Variants in USP46 observed in about 807,000 individuals in gnomAD.
USP46 encodes ubiquitin carboxyl-terminal hydrolase 46.
Under a neutral mutation model 44.4 loss-of-function variants are expected in USP46, and 12 were observed. The ratio of observed to expected loss-of-function variants is 0.27; its 90% CI spans 0.17 to 0.44. USP46 has a LOEUF of 0.44. Ranked by LOEUF, USP46 falls within the 20% of genes least tolerant of loss-of-function variation. USP46 has a pLI of 1.00. For synonymous variants in USP46, 155 were observed against 161.5 expected (o/e 0.96, Z 0.31); for missense variants, 248 against 444.8 (o/e 0.56, Z 3.98).
chr4:52,657,794 G>C (rs747682493), intron 1 of USP46, among the ~76,000 whole-genome samples: 1 of 152,230 alleles, frequency 6.6e-6, no homozygotes, highest in South Asian at 2.1e-4. Flanking sequence ...GGAGGCCCCA[G>C]CATTTGCTTT....
At chr4:52,631,777 G>A (rs978265222) in intron 1 of USP46, among the ~76,000 whole-genome samples, 1 of 152,126 alleles carries the variant, frequency 6.6e-6, no homozygotes, top group Non-Finnish European at 1.5e-5. Flanking sequence ...AGGCCGAGGT[G>A]AGCGGATCAC....
At position 52,622,851 on chromosome 4, in the gene USP46, C is replaced by T. The variant is rs573489092; in HGVS notation, c.561+3167G>A. ...AGTGGCATGTGCAAAGGACCTGAAGCAGGAAGGGATTTGAAAGGCTTGAGA... is the reference window on the plus strand; with the variant it reads ...AGTGGCATGTGCAAAGGACCTGAAGTAGGAAGGGATTTGAAAGGCTTGAGA... On this transcript the variant is annotated intron_variant, in intron 4 of 8. Coordinates refer to ENST00000441222, the MANE Select transcript of USP46 (RefSeq NM_022832.4). Among the ~76,000 whole-genome samples, 3 of 152,172 alleles carry T rather than the reference C, an allele frequency of 2.0e-5. No individual in the cohort carries two copies. The East Asian group carries it at 5.8e-4, about 29-fold the overall frequency.
At position 52,592,899 on chromosome 4, in the gene USP46, T is replaced by C. The variant is rs1312629635; in HGVS notation, c.*4741A>G. ...CCCTTTGCTCTCTTCCTCTTGCTCCTGCCATGTAAGATGGGCTTGCTTTCC... is the reference window on the plus strand; with the variant it reads ...CCCTTTGCTCTCTTCCTCTTGCTCCCGCCATGTAAGATGGGCTTGCTTTCC... On this transcript the variant is annotated 3_prime_UTR_variant, in exon 9 of 9. Coordinates refer to ENST00000441222, the MANE Select transcript of USP46 (RefSeq NM_022832.4). 7.5e-6 allele frequency: 3 copies of C among 398,160 alleles called. No homozygotes were observed. The highest frequency in any genetic ancestry group is 1.3e-5 in the Non-Finnish European group (3 of 226,154). The allele number at this position is 398,160 out of a possible 1,614,324, so 24.7% of individuals were successfully genotyped here.
Position 52,602,033 on chromosome 4 carries a change from G to T in USP46, c.744C>A (p.Pro248=), listed in dbSNP as rs1318620515. 5 of 1,612,952 alleles carry T rather than the reference G, an allele frequency of 3.1e-6. No individual in the cohort carries two copies. In the South Asian group the frequency reaches 5.5e-5, roughly 18 times the overall value. Residue 248 remains proline, a synonymous_variant, in exon 7 of 9, where the codon CCC becomes CCA. Coordinates refer to ENST00000441222, the MANE Select transcript of USP46 (RefSeq NM_022832.4). The part of the protein sequence containing the change: ...AQKRMRVKKL[P]MILALHLKRF... ...GCTTTAGGTGCAGGGCCAAGATCAT[G>T]GGCAGCTTTTTTACCCTCATCCTAA...
intron 1 of USP46, among the ~76,000 whole-genome samples, chr4:52,657,711 G>C (rs377497520): frequency 8.5e-5 from 13 of 152,290 alleles, no homozygotes; most frequent in African/African-American, 3.1e-4. Context: ...AGAGAAAACA[G>C]AAAGGCTCTA....
chr4:52,639,587 G>C (rs1044348374), intron 1 of USP46, among the ~76,000 whole-genome samples: 1 of 152,190 alleles, frequency 6.6e-6, no homozygotes, highest in Non-Finnish European at 1.5e-5. Flanking sequence ...TCACAATCCT[G>C]CTAGCTAGAA....
At chr4:52,657,296 A>T (rs1173317170) in intron 1 of USP46, among the ~76,000 whole-genome samples, 1 of 151,944 alleles carries the variant, frequency 6.6e-6, no homozygotes, top group African/African-American at 2.4e-5. Flanking sequence ...TGTCTCCCTG[A>T]CTGAGTTTCA....
At position 52,597,495 on chromosome 4, in the gene USP46, A is replaced by T; in HGVS notation, c.*145T>A. On this transcript the variant is annotated 3_prime_UTR_variant, in exon 9 of 9. Coordinates refer to ENST00000441222, the MANE Select transcript of USP46 (RefSeq NM_022832.4). Reference sequence around the variant, plus strand: ...GTAGTGCTGCATGTAAAAACACAAAAGGAGAGAGTCTAACACAGCCAGACC... The same window carrying T: ...GTAGTGCTGCATGTAAAAACACAAATGGAGAGAGTCTAACACAGCCAGACC... 3.2e-6 allele frequency: 2 copies of T among 632,220 alleles called. No individual in the cohort carries two copies. The highest frequency in any genetic ancestry group is 5.6e-6 in the Non-Finnish European group (2 of 356,556). 39.2% of individuals were successfully genotyped at this position (632,220 alleles called of 1,614,324 possible).
chr4:52,656,333 G>C, intron 1 of USP46: 2 of 1,547,068 alleles, frequency 1.3e-6, no homozygotes, highest in South Asian at 1.2e-5. Flanking sequence ...AATCTAAAGA[G>C]AGGTCCAGTT....
At chr4:52,634,240 G>A (rs1329570959) in intron 1 of USP46, among the ~76,000 whole-genome samples, 3 of 150,972 alleles carry the variant, frequency 2.0e-5, no homozygotes, top group Non-Finnish European at 4.4e-5. Context: ...CAGGCATGGT[G>A]GCTCACGCCT....
intron 1 of USP46, among the ~76,000 whole-genome samples, chr4:52,639,704 AT>A (rs533775892): frequency 1.4e-4 from 21 of 149,726 alleles, no homozygotes; most frequent in Middle Eastern, 6.9e-3. Context: ...TGAAAAGTGA[AT>A]TTTTTTTTTC....
At chr4:52,647,671 T>G (rs1322314035) in intron 1 of USP46, among the ~76,000 whole-genome samples, 1 of 152,224 alleles carries the variant, frequency 6.6e-6, no homozygotes, top group African/African-American at 2.4e-5. Context: ...TGTCTTCCAA[T>G]GGCATTTTTG....
At chr4:52,658,369 T>C (rs1487988119) in intron 1 of USP46, 2 of 431,006 alleles carry the variant, frequency 4.6e-6, no homozygotes, top group Non-Finnish European at 9.4e-6. Context: ...CCCAGTGATG[T>C]CCCTGGCTGT....
chr4:52,610,865 CAG>C (rs1716910262), intron 4 of USP46, among the ~76,000 whole-genome samples: 1 of 152,084 alleles, frequency 6.6e-6, no homozygotes, highest in South Asian at 2.1e-4. Flanking sequence ...AAAACTCAAC[CAG>C]ATTTCTCTTC....
chr4:52,604,556 T>G lies in USP46; in HGVS notation c.667A>C (p.Ser223Arg), dbSNP rs765156608. 1 of 1,608,446 alleles carries G rather than the reference T, an allele frequency of 6.2e-7. No individual in the cohort carries two copies. The highest frequency in any genetic ancestry group is 8.5e-7 in the Non-Finnish European group (1 of 1,178,226). The change falls in exon 6 of 9, where the codon AGT becomes CGT. Residue 223 changes from serine (S) to arginine (R), a missense_variant. Transcript: ENST00000441222. The part of the protein sequence containing the change: ...RDFSNTETLC[S>R]EQKYYCETCC... ...GTTTCACAATAATATTTTTGTTCAC[T>G]ACACAGTGTTTCTGTGTTGCTGAAG...
intron 4 of USP46, among the ~76,000 whole-genome samples, chr4:52,618,979 G>A (rs1481260150): frequency 6.6e-6 from 1 of 152,130 alleles, no homozygotes; most frequent in Non-Finnish European, 1.5e-5. Context: ...GGAAAAATCA[G>A]AGATTTGTAG....
intron 3 of USP46, among the ~76,000 whole-genome samples, chr4:52,626,938 G>A (rs1216681536): frequency 6.6e-6 from 1 of 152,154 alleles, no homozygotes; most frequent in Non-Finnish European, 1.5e-5. Context: ...AGAGCAACTG[G>A]GGTGTCCTCC....
Position 52,659,006 on chromosome 4 carries a change from A to ACCCCGCCGC in USP46, c.36+100_36+108dup, listed in dbSNP as rs1002772491. ...GGGCCGGGAACTTCTGGCGGCGCGG[A>ACCCCGCCGC]CCCCGCCGCCCCCGCCGCCCCAGCC... On this transcript the variant is annotated intron_variant, in intron 1 of 8. Coordinates refer to ENST00000441222, the MANE Select transcript of USP46 (RefSeq NM_022832.4). This position sits in a 1 kb window ranked among gnomAD's most constrained non-coding sequence, Gnocchi z 4.2. The ACCCCGCCGC allele has an allele frequency of 4.6e-4, 616 of 1,328,904 alleles. No individual in the cohort carries two copies. Among genetic ancestry groups the ACCCCGCCGC allele is most frequent in the African/African-American group, 3.9e-3 (247 of 63,536 alleles). 82.3% of individuals were successfully genotyped at this position (1,328,904 alleles called of 1,614,324 possible). A position where few individuals can be genotyped will look rare whatever the true frequency, so the allele number is the denominator to read the frequency against.
At chr4:52,640,103 T>C (rs1718277688) in intron 1 of USP46, among the ~76,000 whole-genome samples, 1 of 151,988 alleles carries the variant, frequency 6.6e-6, no homozygotes, top group Non-Finnish European at 1.5e-5. Context: ...GGGTAAATAA[T>C]TATAGTAATT....
Sources: gnomAD v4.1 joint callset for allele counts (sites outside exome capture counted in the v4.1 genomes callset) on GRCh38, gnomAD v4.1.1 for gene constraint, Gnocchi (gnomAD v3.1) non-coding constraint, MANE v1.5 for transcripts, NCBI Gene and HGNC (gene_info 2026-07-23, HGNC 2026-07-21) for gene names.